Variants in DENND4C observed in about 807,000 individuals in gnomAD.
DENND4C encodes DENN domain containing 4C, also known as DENN domain-containing protein 4C.
Under a neutral mutation model 203.0 loss-of-function variants are expected in DENND4C, and 108 were observed. That is an observed-to-expected ratio of 0.53 (90% confidence interval 0.46 to 0.62). The LOEUF (loss-of-function observed/expected upper bound fraction) is 0.62, where lower values mean the gene tolerates loss of function less well. DENND4C is among the 20% of genes least tolerant of loss of function. The probability of loss-of-function intolerance (pLI) is 0.00; values close to 1 mark genes in which losing one functional copy is unlikely to be tolerated. For synonymous variants in DENND4C, 871 were observed against 792.4 expected (o/e 1.10, Z -1.67); for missense variants, 2,481 against 2,301.2 (o/e 1.08, Z -1.60).
rs1035880928 is a variant in DENND4C at position 19,369,901 on chromosome 9, C to T, written c.5589C>T (p.Thr1863=). 3 of 1,613,542 alleles carry T rather than the reference C, an allele frequency of 1.9e-6. No individual in the cohort carries two copies. Among genetic ancestry groups the T allele is most frequent in the Admixed American group, 1.7e-5 (1 of 59,956 alleles). ...EQQETSTLVE[T]IRQSIQHNNV... ...AAGAAACAAGCACTTTAGTAGAAAC[C>T]ATCAGGCAGAGTATTCAGCACAATA... Residue 1863 remains threonine (T), a synonymous_variant, in exon 31 of 33, where the codon ACC becomes ACT. Coordinates refer to ENST00000434457, the MANE Select transcript of DENND4C (RefSeq NM_001330640.2).
At chr9:19,248,881 T>C (rs1192799653) in intron 1 of DENND4C, among the ~76,000 whole-genome samples, 1 of 151,674 alleles carries the variant, frequency 6.6e-6, no homozygotes, top group Non-Finnish European at 1.5e-5. Context: ...CACTGCAGCC[T>C]CCGCCTCCTG....
At chr9:19,322,765 G>A (rs1003421936) in intron 12 of DENND4C, among the ~76,000 whole-genome samples, 6 of 151,594 alleles carry the variant, frequency 4.0e-5, no homozygotes, top group Admixed American at 3.9e-4. Flanking sequence ...GGGGGCCAGT[G>A]GATTGGAGAT....
intron 1 of DENND4C, among the ~76,000 whole-genome samples, chr9:19,269,454 C>T (rs900572685): frequency 4.6e-5 from 7 of 152,154 alleles, no homozygotes; most frequent in African/African-American, 2.4e-5. Context: ...CCACCGTGTC[C>T]GGCCCCTTGA....
At chr9:19,249,125 C>A (rs986236311) in intron 1 of DENND4C, among the ~76,000 whole-genome samples, 1 of 151,882 alleles carries the variant, frequency 6.6e-6, no homozygotes, top group Non-Finnish European at 1.5e-5. Flanking sequence ...TATAAGTTTA[C>A]TAATTATTTT....
intron 2 of DENND4C, among the ~76,000 whole-genome samples, chr9:19,277,058 C>T (rs1460676253): frequency 1.3e-5 from 2 of 151,886 alleles, no homozygotes; most frequent in Non-Finnish European, 2.9e-5. Flanking sequence ...AAATGGCTAC[C>T]TTGACTCTTC....
chr9:19,245,622 C>T (rs547988448), intron 1 of DENND4C, among the ~76,000 whole-genome samples: 19 of 152,104 alleles, frequency 1.2e-4, no homozygotes, highest in South Asian at 1.2e-3. Context: ...TTTGGAAGGC[C>T]GAGGCGGGTG....
intron 1 of DENND4C, among the ~76,000 whole-genome samples, chr9:19,275,573 C>T (rs145588966): frequency 0.021 from 3,190 of 152,108 alleles, 122 homozygotes; most frequent in African/African-American, 0.072. Context: ...TGGGTTCAAG[C>T]GATTCTCCTG....
intron 1 of DENND4C, among the ~76,000 whole-genome samples, chr9:19,260,366 G>A (rs1829044824): frequency 1.3e-5 from 1 of 77,482 alleles, no homozygotes; most frequent in African/African-American, 5.1e-5. Flanking sequence ...GTCCTTATAT[G>A]TTCTGGTTAT....
chr9:19,356,822 A>C, intron 26 of DENND4C, 150 bp from the exon 27 acceptor site: 1 of 665,452 alleles, frequency 1.5e-6, no homozygotes, highest in Non-Finnish European at 2.5e-6. Flanking sequence ...AGAGAGTGAG[A>C]GTGTATTGGA....
chr9:19,245,855 C>CA (rs60726607), intron 1 of DENND4C, among the ~76,000 whole-genome samples: 1,432 of 137,200 alleles, frequency 0.01, 8 homozygotes, highest in African/African-American at 0.016. Flanking sequence ...GACTCCGTCT[C>CA]AAAAAAAAAA....
In DENND4C at chr9:19,345,932, A is replaced by G. The variant is rs1476207279; in HGVS notation, c.3163A>G (p.Asn1055Asp). The G allele has an allele frequency of 1.2e-6, 2 of 1,610,172 alleles. No homozygotes were observed. Among genetic ancestry groups the G allele is most frequent in the Non-Finnish European group, 1.7e-6 (2 of 1,178,428 alleles). The change falls in exon 23 of 33, where the codon AAT becomes GAT. Residue 1055 changes from asparagine (N) to aspartate (D), a missense_variant. Transcript: ENST00000434457. The stretch of plus-strand genomic sequence containing the variant: ...ACTTTCCCTTTTAGGTAGTATATCA[A>G]ATGTGCTGTTTTCTACTCAAGATCC... ...SRKSSTGSISNVLFSTQDPVE... is the reference protein window; with the variant it reads ...SRKSSTGSISDVLFSTQDPVE...
In DENND4C at chr9:19,283,679, T is replaced by C. The variant is rs1014641515; in HGVS notation, c.306-3090T>C. On this transcript the variant is annotated intron_variant, in intron 2 of 32. Coordinates refer to ENST00000434457, the MANE Select transcript of DENND4C (RefSeq NM_001330640.2). The stretch of plus-strand genomic sequence containing the variant: ...CAGGCCAGAGTGCAATGACCCGATC[T>C]TGGCTCACTGCAACTCCGCGCCCCC... 1.5e-4 allele frequency among the ~76,000 whole-genome samples: 22 copies of C among 150,474 alleles called. 2 individuals are homozygous for C. The highest frequency in any genetic ancestry group is 4.6e-4 in the Admixed American group (7 of 15,058).
At chr9:19,277,795 C>T (rs1301409242) in intron 2 of DENND4C, among the ~76,000 whole-genome samples, 1 of 152,028 alleles carries the variant, frequency 6.6e-6, no homozygotes, top group Non-Finnish European at 1.5e-5. Flanking sequence ...TGTAAATATT[C>T]CTTAAATACC....
chr9:19,314,427 C>A (rs1035967543), intron 10 of DENND4C, among the ~76,000 whole-genome samples: 1 of 152,068 alleles, frequency 6.6e-6, no homozygotes, highest in Non-Finnish European at 1.5e-5. Flanking sequence ...GCACTCCAGC[C>A]TGGGCGACAG....
chr9:19,281,350 G>A (rs1409554965), intron 2 of DENND4C, among the ~76,000 whole-genome samples: 2 of 152,060 alleles, frequency 1.3e-5, no homozygotes, highest in Admixed American at 6.6e-5. Flanking sequence ...AATTGTTAAT[G>A]TCTGGTGACT....
chr9:19,337,507 G>GT, intron 20 of DENND4C: 4 of 653,508 alleles, frequency 6.1e-6, no homozygotes, highest in Non-Finnish European at 6.0e-6. Flanking sequence ...AATGACTGAA[G>GT]TTTCCTTTTC....
At chr9:19,248,508 G>T (rs1416832381) in intron 1 of DENND4C, among the ~76,000 whole-genome samples, 1 of 152,096 alleles carries the variant, frequency 6.6e-6, no homozygotes, top group Non-Finnish European at 1.5e-5. Flanking sequence ...TCCTGCCTCA[G>T]CCACCTGAGT....
intron 23 of DENND4C, among the ~76,000 whole-genome samples, chr9:19,348,825 T>C (rs1003787615): frequency 2.0e-5 from 3 of 152,304 alleles, no homozygotes; most frequent in South Asian, 4.1e-4. Context: ...ATTTTATTTT[T>C]TGAGACAGGC....
intron 5 of DENND4C, 109 bp from the exon 6 acceptor site, chr9:19,295,899 T>A (rs568502391): frequency 6.8e-6 from 5 of 739,784 alleles, no homozygotes; most frequent in Middle Eastern, 3.8e-4. Flanking sequence ...TCATAATTTA[T>A]CTGTATAAGT....
Sources: allele counts gnomAD v4.1 joint callset (sites outside exome capture counted in the v4.1 genomes callset), GRCh38; gene constraint gnomAD v4.1.1; transcripts MANE v1.5; gene names NCBI Gene and HGNC (gene_info 2026-07-23, HGNC 2026-07-21).